AGTPBP1: variants seen among roughly 807,000 people sequenced by gnomAD.
AGTPBP1 encodes the protein ATP/GTP binding carboxypeptidase 1.
AGTPBP1 carries 70 observed loss-of-function variants against 143.9 expected under a neutral mutation model. The observed-to-expected ratio is 0.49, with a 90% CI of 0.40 to 0.59. The LOEUF (loss-of-function observed/expected upper bound fraction) is 0.59. AGTPBP1 is among the 20% of genes least tolerant of loss of function. The pLI is 0.00. For synonymous variants in AGTPBP1, 463 were observed against 500.2 expected, an observed-to-expected ratio of 0.93 and a Z score of 0.99; for missense variants, 1,229 against 1,464.5, an observed-to-expected ratio of 0.84 and a Z score of 2.62.
At chr9:85,720,931 G>C (rs1051056112) in intron 1 of AGTPBP1, among the ~76,000 whole-genome samples, 1 of 152,178 alleles carries the variant, frequency 6.6e-6, no homozygotes, top group Non-Finnish European at 1.5e-5. Flanking sequence ...GTACCCAGTA[G>C]TCATTCAGGA....
intron 17 of AGTPBP1, among the ~76,000 whole-genome samples, chr9:85,616,952 ATTAG>A (rs1250870070): frequency 1.3e-5 from 2 of 152,090 alleles, no homozygotes; most frequent in Admixed American, 1.3e-4. Flanking sequence ...ACACTTAAAA[ATTAG>A]TTACTTAAGC....
intron 6 of AGTPBP1, among the ~76,000 whole-genome samples, chr9:85,676,467 C>T (rs950597254): frequency 1.3e-5 from 2 of 151,686 alleles, no homozygotes; most frequent in African/African-American, 4.8e-5. Flanking sequence ...CATTACTAAT[C>T]GTTAGGGAAA....
chr9:85,680,702 T>C (rs1323992416), intron 4 of AGTPBP1, among the ~76,000 whole-genome samples: 10 of 152,332 alleles, frequency 6.6e-5, no homozygotes, highest in Non-Finnish European at 7.3e-5. Flanking sequence ...TAAGACTTCC[T>C]ATTGAAGAAC....
At chr9:85,707,739 T>G (rs545669865) in intron 2 of AGTPBP1, among the ~76,000 whole-genome samples, 37 of 152,320 alleles carry the variant, frequency 2.4e-4, no homozygotes, top group African/African-American at 8.7e-4. Flanking sequence ...AAAAACAACA[T>G]GAACTTATTA....
rs1490536006 is a variant in AGTPBP1, at chr9:85,678,374, G to A, written c.250C>T (p.Leu84Phe). ...TCAACAAGAATGCTTAAGATATTAA[G>A]TGTAGTTTGAAGATCTTTTGTGTTC... ...LENTKDLQTT[L>F]NILSILVELV... Residue 84 changes from leucine (L) to phenylalanine (F), a missense_variant, in exon 5 of 26, where the codon CTT becomes TTT. Around this residue, in one of 2 missense-constraint regions of AGTPBP1, gnomAD observed 743 missense variants for 812.2 expected, o/e 0.91. Transcript: ENST00000357081. The A allele has an allele frequency of 7.5e-6, 12 of 1,592,282 alleles. No individual in the cohort carries two copies. Among genetic ancestry groups the A allele is most frequent in the African/African-American group, 1.3e-5 (1 of 74,450 alleles).
the AGTPBP1 span, among the ~76,000 whole-genome samples, chr9:85,747,179 C>T: frequency 6.6e-6 from 1 of 152,144 alleles, no homozygotes; most frequent in African/African-American, 2.4e-5. Context: ...TTTAAAAAAT[C>T]AACTGGCCAC....
chr9:85,729,483 A>G (rs1322813577), intron 1 of AGTPBP1, among the ~76,000 whole-genome samples: 1 of 152,214 alleles, frequency 6.6e-6, no homozygotes, highest in Non-Finnish European at 1.5e-5. Flanking sequence ...TTTGCATAGG[A>G]TCTAAAGTAT....
intron 17 of AGTPBP1, among the ~76,000 whole-genome samples, chr9:85,605,361 C>T (rs1357207930): frequency 2.6e-5 from 4 of 152,040 alleles, no homozygotes; most frequent in African/African-American, 7.2e-5. Flanking sequence ...AGGAAAAAAG[C>T]CTTTGATCCT....
intron 17 of AGTPBP1, among the ~76,000 whole-genome samples, chr9:85,598,188 A>G (rs879309312): frequency 2.0e-5 from 3 of 151,654 alleles, no homozygotes; most frequent in Admixed American, 2.0e-4. Context: ...CTCTCCCCTG[A>G]TGTCCCTAAG....
upstream of AGTPBP1, among the ~76,000 whole-genome samples, chr9:85,746,646 G>C (rs189597421): frequency 1.4e-4 from 21 of 151,938 alleles, no homozygotes; most frequent in Admixed American, 7.9e-4. Context: ...AAGAAAGAGT[G>C]GGGGGAGAGA....
At position 85,672,294 on chromosome 9, in the gene AGTPBP1, C is replaced by G. The variant is rs181262328; in HGVS notation, c.568+256G>C. On this transcript the variant is annotated intron_variant, in intron 7 of 25. Coordinates refer to ENST00000357081, the MANE Select transcript of AGTPBP1 (RefSeq NM_001330701.2). Reference sequence around the variant, plus strand: ...ATGTCGGTCAGGCTGGTCTCAAACTCCTGACCTCAGGTGATCCGCCCGCCT... The same window carrying G: ...ATGTCGGTCAGGCTGGTCTCAAACTGCTGACCTCAGGTGATCCGCCCGCCT... Among the ~76,000 whole-genome samples, 247 of 152,252 alleles carry G rather than the reference C, an allele frequency of 1.6e-3. 2 individuals carry two copies. Among genetic ancestry groups the G allele is most frequent in the Non-Finnish European group, 2.8e-3 (192 of 68,016 alleles).
At chr9:85,578,836 A>C in intron 24 of AGTPBP1, 84 bp downstream of exon 24, 1 of 1,330,234 alleles carries the variant, frequency 7.5e-7, no homozygotes, top group Non-Finnish European at 1.0e-6. Context: ...AACATCATTT[A>C]ATATATACTT....
At chr9:85,641,200 A>G (rs2133808173) in intron 13 of AGTPBP1, among the ~76,000 whole-genome samples, 1 of 152,310 alleles carries the variant, frequency 6.6e-6, no homozygotes, top group South Asian at 2.1e-4. Flanking sequence ...CCTACCGTAT[A>G]TATTTCTCAT....
chr9:85,680,450 G>A (rs1366202977), intron 4 of AGTPBP1, among the ~76,000 whole-genome samples: 1 of 152,086 alleles, frequency 6.6e-6, no homozygotes, highest in Non-Finnish European at 1.5e-5. Flanking sequence ...CAGGCATGGT[G>A]GTGTGCACCT....
chr9:85,596,335 T>C, intron 18 of AGTPBP1, 27 bp downstream of exon 18: 1 of 1,478,940 alleles, frequency 6.8e-7, no homozygotes, highest in East Asian at 2.3e-5. Flanking sequence ...TAAGCTGACA[T>C]TCTATTAATA....
chr9:85,699,147 C>A (rs926470501), intron 2 of AGTPBP1, among the ~76,000 whole-genome samples: 1 of 151,862 alleles, frequency 6.6e-6, no homozygotes, highest in Non-Finnish European at 1.5e-5. Context: ...TAAATAATTT[C>A]ATTTATTTAT....
chr9:85,651,891 AAAC>A (rs1359924077), intron 11 of AGTPBP1, among the ~76,000 whole-genome samples: 3 of 152,214 alleles, frequency 2.0e-5, no homozygotes, highest in Non-Finnish European at 2.9e-5. Context: ...GACAAAATGA[AAAC>A]AACAACAGTC....
chr9:85,726,796 T>A (rs531934285), intron 1 of AGTPBP1, among the ~76,000 whole-genome samples: 124 of 151,726 alleles, frequency 8.2e-4, no homozygotes, highest in African/African-American at 2.7e-3. Context: ...GATTTTGTTT[T>A]AAAAAAAAAT....
rs1352685168 is a variant in AGTPBP1, at chr9:85,678,334, C to A, written c.289+1G>T. ...ATTAGACCAAAGAAACAAAAACTTA[C>A]CAGCTGACACCAGCTCAACAAGAAT... On this transcript the variant is annotated splice_donor_variant, in intron 5 of 25. Transcript: ENST00000357081. LOFTEE classifies it high-confidence loss of function. 2 of 1,589,738 alleles carry A rather than the reference C, an allele frequency of 1.3e-6. No individual in the cohort carries two copies. The highest frequency in any genetic ancestry group is 1.7e-6 in the Non-Finnish European group (2 of 1,164,754).
Sources: allele counts gnomAD v4.1 joint callset (sites outside exome capture counted in the v4.1 genomes callset), GRCh38; gene constraint gnomAD v4.1.1; regional missense constraint gnomAD v4.1.1; transcripts MANE v1.5; gene names NCBI Gene and HGNC (gene_info 2026-07-23, HGNC 2026-07-21).